Variants in CDH12 observed in about 807,000 individuals in gnomAD.
CDH12 encodes cadherin 12.
A neutral mutation model predicts 74.1 loss-of-function variants in CDH12; 41 were observed. That is an observed-to-expected ratio of 0.55 (90% CI 0.43 to 0.72). CDH12 has a LOEUF of 0.72. CDH12 is among the 30% of genes least tolerant of loss of function. The pLI is 0.00. For missense variants in CDH12, 945 were observed against 977.2 expected, an observed-to-expected ratio of 0.97 and a Z score of 0.44; for synonymous variants, 399 against 355.0, an observed-to-expected ratio of 1.12 and a Z score of -1.39.
intron 1 of CDH12, among the ~76,000 whole-genome samples, chr5:22,525,145 T>C (rs966779363): frequency 4.6e-5 from 7 of 152,168 alleles, no homozygotes; most frequent in Non-Finnish European, 8.8e-5. Context: ...GAACTCATCA[T>C]GTTTTATGGC....
intron 9 of CDH12, 104 bp from the exon 10 acceptor site, chr5:21,802,524 T>G: frequency 1.1e-6 from 1 of 931,460 alleles, no homozygotes; most frequent in Non-Finnish European, 1.6e-6. Flanking sequence ...TCAATTATAC[T>G]GGTTTAAAAT....
intron 1 of CDH12, among the ~76,000 whole-genome samples, chr5:22,678,051 G>T (rs942962670): frequency 6.6e-6 from 1 of 151,354 alleles, no homozygotes. Context: ...TCATGGGGGG[G>T]GGGGTTAGGA....
At chr5:22,695,623 T>C (rs577185845) in intron 1 of CDH12, among the ~76,000 whole-genome samples, 10 of 152,362 alleles carry the variant, frequency 6.6e-5, no homozygotes, top group Non-Finnish European at 1.2e-4. Context: ...TTTATTATTC[T>C]AAATTTTCTA....
intron 1 of CDH12, among the ~76,000 whole-genome samples, chr5:22,598,591 T>G (rs1580803686): frequency 6.6e-6 from 1 of 152,182 alleles, no homozygotes; most frequent in Non-Finnish European, 1.5e-5. Flanking sequence ...GATAACAAAC[T>G]AATACACATA....
intron 9 of CDH12, 82 bp downstream of exon 9, chr5:21,816,863 T>C: frequency 9.9e-7 from 1 of 1,008,046 alleles, no homozygotes; most frequent in Non-Finnish European, 1.4e-6. Context: ...AAAATTAAAA[T>C]TACTTGTCAT....
At chr5:22,839,147 A>G (rs931644550) in intron 1 of CDH12, among the ~76,000 whole-genome samples, 2 of 152,146 alleles carry the variant, frequency 1.3e-5, no homozygotes, top group Non-Finnish European at 2.9e-5. Context: ...TTGTAGGACA[A>G]GAGTTAGAAA....
chr5:22,626,046 C>T (rs1738273161), intron 1 of CDH12, among the ~76,000 whole-genome samples: 2 of 152,106 alleles, frequency 1.3e-5, no homozygotes, highest in African/African-American at 4.8e-5. Flanking sequence ...TCACCACCAC[C>T]AGCATGCTAA....
chr5:21,765,945 C>T (rs1745000080), intron 11 of CDH12, among the ~76,000 whole-genome samples: 1 of 151,988 alleles, frequency 6.6e-6, no homozygotes, highest in Non-Finnish European at 1.5e-5. Flanking sequence ...GCTGAAAAGA[C>T]CTCTTGCTCA....
At chr5:21,971,125 T>A (rs183548249) in intron 6 of CDH12, among the ~76,000 whole-genome samples, 8 of 152,150 alleles carry the variant, frequency 5.3e-5, no homozygotes, top group Admixed American at 2.0e-4. Context: ...TCCTTCAGGT[T>A]TTGTTTAAGC....
chr5:22,539,374 C>A (rs993677326), intron 1 of CDH12, among the ~76,000 whole-genome samples: 4 of 152,110 alleles, frequency 2.6e-5, no homozygotes, highest in South Asian at 2.1e-4. Flanking sequence ...AGGTGTTAAG[C>A]ACATAGTTAT....
chr5:21,991,395 T>C (rs1757742687), intron 5 of CDH12, among the ~76,000 whole-genome samples: 1 of 151,468 alleles, frequency 6.6e-6, no homozygotes, highest in Non-Finnish European at 1.5e-5. Context: ...ATATGTGTTT[T>C]ATGTGAGAGA....
In CDH12 at chr5:22,330,644, G is replaced by T. The variant is rs573490769; in HGVS notation, c.-333+74613C>A. 2.2e-4 allele frequency among the ~76,000 whole-genome samples: 33 copies of T among 151,534 alleles called. 1 individual carries two copies. Among genetic ancestry groups the T allele is most frequent in the African/African-American group, 8.0e-4 (33 of 41,264 alleles). On this transcript the variant is annotated intron_variant, in intron 3 of 14. Transcript: ENST00000382254. ...TGCACATCTGCAGTCCCAGCTACTC[G>T]GGAGGCTGAGGCAGGAGAATTGCTT...
At chr5:21,792,226 A>G (rs1374892718) in intron 10 of CDH12, among the ~76,000 whole-genome samples, 1 of 151,950 alleles carries the variant, frequency 6.6e-6, no homozygotes, top group South Asian at 2.1e-4. Context: ...TTTCTCCATC[A>G]GCAATCACAA....
intron 1 of CDH12, among the ~76,000 whole-genome samples, chr5:22,657,033 C>A (rs895109725): frequency 2.0e-5 from 3 of 152,048 alleles, no homozygotes; most frequent in African/African-American, 7.2e-5. Flanking sequence ...CAGGTATGAG[C>A]CACCATGCCT....
At chr5:22,222,173 C>T (rs1030676122) in intron 3 of CDH12, among the ~76,000 whole-genome samples, 1 of 151,940 alleles carries the variant, frequency 6.6e-6, no homozygotes, top group Admixed American at 6.6e-5. Flanking sequence ...TTATCTGCTT[C>T]ATCATTTTAC....
At chr5:21,832,341 T>A (rs1310075876) in intron 8 of CDH12, among the ~76,000 whole-genome samples, 3 of 152,074 alleles carry the variant, frequency 2.0e-5, no homozygotes, top group African/African-American at 7.2e-5. Context: ...CCATGACAAA[T>A]TATGTTTTAA....
At chr5:22,504,597 A>T (rs1736304672) in intron 2 of CDH12, among the ~76,000 whole-genome samples, 1 of 152,054 alleles carries the variant, frequency 6.6e-6, no homozygotes, top group Non-Finnish European at 1.5e-5. Context: ...GTAAGGGTAG[A>T]TTCTCCCATT....
chr5:22,728,138 C>G lies in CDH12; in HGVS notation c.-523+124920G>C, dbSNP rs374764967. Among the ~76,000 whole-genome samples, 5 of 151,782 alleles carry G rather than the reference C, an allele frequency of 3.3e-5. No individual in the cohort carries two copies. In the East Asian group the frequency reaches 9.7e-4, roughly 29 times the overall value. ...GCAATTTTTTATCCTTTTATTTCCT[C>G]CCATCATTAATTATTTCTTCATTTT... On this transcript the variant is annotated intron_variant, in intron 1 of 14. Transcript: ENST00000382254.
At chr5:22,483,413 G>A (rs554036625) in intron 2 of CDH12, among the ~76,000 whole-genome samples, 1 of 152,030 alleles carries the variant, frequency 6.6e-6, no homozygotes, top group Admixed American at 6.6e-5. Flanking sequence ...GAATACAGCT[G>A]TAGACATGAT....
Sources: gnomAD v4.1 joint callset for allele counts (sites outside exome capture counted in the v4.1 genomes callset) on GRCh38, gnomAD v4.1.1 for gene constraint, MANE v1.5 for transcripts, NCBI Gene and HGNC (gene_info 2026-07-23, HGNC 2026-07-21) for gene names.